Variants in DYM observed in about 807,000 individuals in gnomAD.
DYM encodes dymeclin, also known as dyggve-Melchior-Clausen syndrome protein.
Under a neutral mutation model 93.1 loss-of-function variants are expected in DYM, and 78 were observed. The ratio of observed to expected loss-of-function variants is 0.84; its 90% CI spans 0.70 to 1.01. The LOEUF (loss-of-function observed/expected upper bound fraction) is 1.01. DYM is among the 50% of genes least tolerant of loss of function. The pLI is 0.00. For synonymous variants in DYM, 321 were observed against 319.7 expected (o/e 1.00, Z -0.04); for missense variants, 789 against 845.0 (o/e 0.93, Z 0.82).
chr18:49,056,550 T>G (rs79127029), intron 17 of DYM, among the ~76,000 whole-genome samples: 2,514 of 152,328 alleles, frequency 0.017, 26 homozygotes, highest in South Asian at 0.066. Flanking sequence ...TTTATTATTA[T>G]TTTTAAAGAC....
At chr18:49,343,026 G>C (rs558981898) in intron 6 of DYM, among the ~76,000 whole-genome samples, 13 of 152,300 alleles carry the variant, frequency 8.5e-5, no homozygotes, top group South Asian at 8.3e-4. Flanking sequence ...AAAATAGCGA[G>C]AACAGAATGA....
rs7231453 is a variant in DYM at position 49,163,507 on chromosome 18, G to A, written c.1728+178C>T. 0.75 allele frequency among the ~76,000 whole-genome samples: 113,319 copies of A among 151,812 alleles called. 42,974 individuals are homozygous for A. The highest frequency in any genetic ancestry group is 0.85 in the Middle Eastern group (247 of 292). ...ACTACAGGTGTGCACCACCACACCC[G>A]GCTAATTTTTGCATTTTTAGTAGAG... is the stretch of plus-strand genomic sequence containing the variant. On this transcript the variant is annotated intron_variant, in intron 15 of 17. Transcript: ENST00000675505.
intron 17 of DYM, among the ~76,000 whole-genome samples, chr18:49,055,047 G>T (rs921881208): frequency 2.0e-5 from 3 of 152,198 alleles, no homozygotes; most frequent in Non-Finnish European, 2.9e-5. Flanking sequence ...TTAATCTTCG[G>T]TTTTCAATTT....
Position 49,039,488 on chromosome 18 carries a change from A to G in DYM, c.*4567T>C, listed in dbSNP as rs1207168127. On this transcript the variant is annotated 3_prime_UTR_variant, in exon 18 of 18. Transcript: ENST00000675505. ...AAAGTTCTCAGCCATTTGTTTAAAT[A>G]TTCCTTTCTTCTACTCTTTTGAGAT... Among the ~76,000 whole-genome samples the G allele has an allele frequency of 1.3e-5, 2 of 152,038 alleles. No individual in the cohort carries two copies. The highest frequency in any genetic ancestry group is 2.9e-5 in the Non-Finnish European group (2 of 68,002).
chr18:49,046,720 C>T (rs1312711254), intron 17 of DYM, among the ~76,000 whole-genome samples: 2 of 152,086 alleles, frequency 1.3e-5, no homozygotes, highest in Non-Finnish European at 2.9e-5. Flanking sequence ...AGCAACCTAG[C>T]AAGACCCTAT....
chr18:49,059,554 C>T (rs746206413), intron 17 of DYM, among the ~76,000 whole-genome samples: 2 of 152,194 alleles, frequency 1.3e-5, no homozygotes, highest in Non-Finnish European at 2.9e-5. Flanking sequence ...AGGACCCTAA[C>T]ACAATGGTTG....
chr18:49,167,865 T>A (rs1396051516), intron 14 of DYM, among the ~76,000 whole-genome samples: 1 of 152,140 alleles, frequency 6.6e-6, no homozygotes, highest in African/African-American at 2.4e-5. Context: ...ATTACAAATT[T>A]AAAAAATGAA....
At chr18:49,184,521 T>C (rs1255042244) in intron 14 of DYM, among the ~76,000 whole-genome samples, 1 of 152,162 alleles carries the variant, frequency 6.6e-6, no homozygotes, top group Non-Finnish European at 1.5e-5. Flanking sequence ...CCACGGGGGA[T>C]ACATTCTAAG....
rs2070722430 is a variant in DYM, at chr18:49,036,866, T to G, written c.*7189A>C. On this transcript the variant is annotated 3_prime_UTR_variant, in exon 18 of 18. Transcript: ENST00000675505. ...ATTCCTCTCTCCTGCCCTTTCTCCTTCCTTCTTTGATCAGTCTTTTAAGGG... is the reference window on the plus strand; with the variant it reads ...ATTCCTCTCTCCTGCCCTTTCTCCTGCCTTCTTTGATCAGTCTTTTAAGGG... Among the ~76,000 whole-genome samples, 1 of 152,124 alleles carries G rather than the reference T, an allele frequency of 6.6e-6. No homozygotes were observed. The highest frequency in any genetic ancestry group is 1.5e-5 in the Non-Finnish European group (1 of 68,004).
chr18:49,210,025 T>G (rs982014446), intron 13 of DYM, among the ~76,000 whole-genome samples: 3 of 152,120 alleles, frequency 2.0e-5, no homozygotes, highest in African/African-American at 4.8e-5. Flanking sequence ...CACAGACTAT[T>G]TGAATGGCCC....
chr18:49,150,447 CTGCTAACATAGA>C (rs1019742550), intron 15 of DYM, among the ~76,000 whole-genome samples: 1 of 152,198 alleles, frequency 6.6e-6, no homozygotes, highest in African/African-American at 2.4e-5. Flanking sequence ...CTTGGTCTCT[CTGCTAACATAGA>C]TGCTAACAAA....
chr18:49,212,395 C>T (rs1390056166), intron 13 of DYM, among the ~76,000 whole-genome samples: 2 of 150,856 alleles, frequency 1.3e-5, no homozygotes, highest in Non-Finnish European at 3.0e-5. Context: ...TCAACCATTT[C>T]AAAAAAAAGA....
At chr18:49,122,141 A>G (rs1367512556) in intron 15 of DYM, among the ~76,000 whole-genome samples, 5 of 152,188 alleles carry the variant, frequency 3.3e-5, no homozygotes, top group Admixed American at 3.3e-4. Flanking sequence ...GTTTCTATGA[A>G]TAAGGCTGAT....
In DYM at chr18:49,292,024, T is replaced by C. The variant is rs560635435; in HGVS notation, c.764-5408A>G. Among the ~76,000 whole-genome samples the C allele has an allele frequency of 9.9e-5, 15 of 152,250 alleles. No homozygotes were observed. In the South Asian group the frequency reaches 2.3e-3, roughly 23 times the overall value. On this transcript the variant is annotated intron_variant, in intron 8 of 17. Coordinates refer to ENST00000675505, the MANE Select transcript of DYM (RefSeq NM_001353214.3). ...AGCAATGAGAAACACAATTACAAAG[T>C]TCAATCTGCAACAAAAATAATCACA...
At chr18:49,206,191 G>C (rs2092492619) in intron 14 of DYM, among the ~76,000 whole-genome samples, 1 of 151,752 alleles carries the variant, frequency 6.6e-6, no homozygotes, top group African/African-American at 2.4e-5. Context: ...GTAGAGACAG[G>C]GTTTCACTGT....
At chr18:49,095,840 G>A (rs1173011144) in intron 17 of DYM, among the ~76,000 whole-genome samples, 1 of 152,112 alleles carries the variant, frequency 6.6e-6, no homozygotes, top group East Asian at 1.9e-4. Flanking sequence ...TTTAAGGTAA[G>A]TATTACAGTG....
At chr18:49,395,745 G>A (rs2069989309) in intron 2 of DYM, among the ~76,000 whole-genome samples, 1 of 151,996 alleles carries the variant, frequency 6.6e-6, no homozygotes, top group Non-Finnish European at 1.5e-5. Flanking sequence ...CACCCAGTTA[G>A]AATGGCTATT....
intron 17 of DYM, among the ~76,000 whole-genome samples, chr18:49,093,840 T>G (rs1295494): frequency 0.96 from 146,151 of 152,214 alleles, 70,242 homozygotes; most frequent in Admixed American, 0.98. Flanking sequence ...AGGAGCAAAG[T>G]GAAAGGTTTT....
intron 1 of DYM, among the ~76,000 whole-genome samples, chr18:49,440,341 G>C (rs945118493): frequency 7.7e-6 from 1 of 129,388 alleles, no homozygotes. Flanking sequence ...TATTATATAT[G>C]ATATATAATA....
Sources: gnomAD v4.1 joint callset for allele counts (sites outside exome capture counted in the v4.1 genomes callset) on GRCh38, gnomAD v4.1.1 for gene constraint, MANE v1.5 for transcripts, NCBI Gene and HGNC (gene_info 2026-07-23, HGNC 2026-07-21) for gene names.